Variants in EFNA5 observed in about 807,000 individuals in gnomAD.
The protein encoded by EFNA5 is ephrin-A5.
In EFNA5, 5 loss-of-function variants were observed where a neutral mutation model predicts 22.9. The observed-to-expected ratio is 0.22, with a 90% CI of 0.11 to 0.46. The LOEUF (loss-of-function observed/expected upper bound fraction) is 0.46, where lower values mean the gene tolerates loss of function less well. Ranked by LOEUF, EFNA5 falls within the 20% of genes least tolerant of loss-of-function variation. EFNA5 has a pLI of 0.99. For missense variants in EFNA5, 237 were observed against 293.3 expected, an observed-to-expected ratio of 0.81 and a Z score of 1.40; for synonymous variants, 113 against 112.2, an observed-to-expected ratio of 1.01 and a Z score of -0.04.
chr5:107,448,956 T>C (rs1449903378), intron 1 of EFNA5, among the ~76,000 whole-genome samples: 1 of 151,594 alleles, frequency 6.6e-6, no homozygotes, highest in African/African-American at 2.4e-5. Flanking sequence ...CAATGTGGGG[T>C]GGGTTGGAGT....
At chr5:107,451,504 A>G (rs561130972) in intron 1 of EFNA5, among the ~76,000 whole-genome samples, 1 of 152,358 alleles carries the variant, frequency 6.6e-6, no homozygotes, top group South Asian at 2.1e-4. Context: ...GGAGATATCA[A>G]CTACTTCATT....
chr5:107,490,351 C>T (rs1366386925), intron 1 of EFNA5, among the ~76,000 whole-genome samples: 2 of 152,174 alleles, frequency 1.3e-5, no homozygotes, highest in Non-Finnish European at 2.9e-5. Flanking sequence ...CTGCCTCCAC[C>T]TCCCAAGTAG....
chr5:107,476,322 G>T (rs1343482508), intron 1 of EFNA5, among the ~76,000 whole-genome samples: 1 of 151,408 alleles, frequency 6.6e-6, no homozygotes, highest in African/African-American at 2.4e-5. Flanking sequence ...CAAAGTGCTG[G>T]GATTACAGGA....
rs1747362173 is a variant in EFNA5 at position 107,379,136 on chromosome 5, T to C, written c.*2119A>G. ...ATAAGACTCTGCCACTCCAGAGGAG[T>C]TCCTTATGTCAGAGGGGAATAGGAT... is the stretch of plus-strand genomic sequence containing the variant. On this transcript the variant is annotated 3_prime_UTR_variant, in exon 5 of 5. Coordinates refer to ENST00000333274, the MANE Select transcript of EFNA5 (RefSeq NM_001962.3). 6.6e-6 allele frequency: 1 copy of C among 151,962 alleles called. No homozygotes were observed. The highest frequency in any genetic ancestry group is 2.4e-5 in the African/African-American group (1 of 41,356). The allele number at this position is 151,962 out of a possible 1,614,324, so 9.4% of individuals were successfully genotyped here. A position where few individuals can be genotyped will look rare whatever the true frequency, so the allele number is the denominator to read the frequency against.
chr5:107,539,183 G>T (rs1399713522), intron 1 of EFNA5, among the ~76,000 whole-genome samples: 2 of 152,200 alleles, frequency 1.3e-5, no homozygotes, highest in Non-Finnish European at 2.9e-5. Context: ...TGCCCTACAT[G>T]CCTGGACTAT....
chr5:107,405,966 A>AAT (rs1748201634), intron 2 of EFNA5, among the ~76,000 whole-genome samples: 1 of 130,696 alleles, frequency 7.7e-6, no homozygotes, highest in Non-Finnish European at 1.6e-5. Flanking sequence ...ATATACATAG[A>AAT]ATGTATAAAA....
intron 1 of EFNA5, among the ~76,000 whole-genome samples, chr5:107,635,661 G>C (rs1456475758): frequency 2.0e-5 from 3 of 152,234 alleles, no homozygotes; most frequent in Non-Finnish European, 4.4e-5. Context: ...GGGTGTTTAA[G>C]AGAAATGGTA....
chr5:107,510,625 A>C (rs1412322066), intron 1 of EFNA5, among the ~76,000 whole-genome samples: 2 of 152,234 alleles, frequency 1.3e-5, no homozygotes, highest in Non-Finnish European at 2.9e-5. Context: ...TGTTTATGAC[A>C]AGTAGGTGCT....
At position 107,427,803 on chromosome 5, in the gene EFNA5, C is replaced by T. The variant is rs572592805; in HGVS notation, c.126-294G>A. Among the ~76,000 whole-genome samples the T allele has an allele frequency of 4.6e-5, 7 of 152,168 alleles. No individual in the cohort carries two copies. The South Asian group carries it at 1.2e-3, about 27-fold the overall frequency. ...AATATCACTCTTTCAAACTGTGGAA[C>T]TCTATAGAGGTACTAGTGTGCTGTT... On this transcript the variant is annotated intron_variant, in intron 1 of 4. Coordinates refer to ENST00000333274, the MANE Select transcript of EFNA5 (RefSeq NM_001962.3).
At chr5:107,504,535 T>C (rs763514281) in intron 1 of EFNA5, among the ~76,000 whole-genome samples, 16 of 152,176 alleles carry the variant, frequency 1.1e-4, no homozygotes, top group Admixed American at 9.2e-4. Context: ...TGCATGCTTA[T>C]AGGAACAAAC....
chr5:107,404,632 G>A (rs184835802), intron 2 of EFNA5, among the ~76,000 whole-genome samples: 4 of 152,266 alleles, frequency 2.6e-5, no homozygotes, highest in East Asian at 1.9e-4. Flanking sequence ...GCAGTTAGGC[G>A]ATGTCATACA....
chr5:107,619,651 A>G (rs1264866777), intron 1 of EFNA5, among the ~76,000 whole-genome samples: 1 of 151,870 alleles, frequency 6.6e-6, no homozygotes. Flanking sequence ...TTTAGCAGAG[A>G]CGGGGTTTCA....
chr5:107,415,881 C>A (rs1031648731), intron 2 of EFNA5, among the ~76,000 whole-genome samples: 20 of 152,170 alleles, frequency 1.3e-4, no homozygotes, highest in Admixed American at 1.1e-3. Flanking sequence ...GTAAGGCAAT[C>A]CCTGGCATGG....
intron 1 of EFNA5, among the ~76,000 whole-genome samples, chr5:107,533,686 T>A (rs1160646570): frequency 2.0e-5 from 3 of 152,200 alleles, no homozygotes; most frequent in African/African-American, 7.2e-5. Flanking sequence ...AATTCTCCTA[T>A]AAAAGGTATG....
At chr5:107,391,773 C>G (rs1182382798) in intron 2 of EFNA5, among the ~76,000 whole-genome samples, 1 of 152,184 alleles carries the variant, frequency 6.6e-6, no homozygotes, top group Non-Finnish European at 1.5e-5. Context: ...CATAGAGTCC[C>G]TTCCCCTGAA....
chr5:107,579,766 C>T lies in EFNA5; in HGVS notation c.125+90723G>A, dbSNP rs575838578. 2.0e-5 allele frequency among the ~76,000 whole-genome samples: 3 copies of T among 152,308 alleles called. No individual in the cohort carries two copies. The East Asian group carries it at 5.8e-4, about 29-fold the overall frequency. ...AAGAGGCTGCACCCCAAATTCACTT[C>T]CAGCAGAACTTCAATATGCCCCACC... On this transcript the variant is annotated intron_variant, in intron 1 of 4. Transcript: ENST00000333274.
chr5:107,432,855 CT>C lies in EFNA5; in HGVS notation c.126-5347del, dbSNP rs559379507. Among the ~76,000 whole-genome samples, 89 of 152,276 alleles carry C rather than the reference CT, an allele frequency of 5.8e-4. No homozygotes were observed. In the South Asian group the frequency reaches 8.7e-3, roughly 15 times the overall value. On this transcript the variant is annotated intron_variant, in intron 1 of 4. Transcript: ENST00000333274. ...GGACTTGCTTCTACCTGTGCCACCC[CT>C]GAGACAGCAAGACCAATCCCTCCTC...
intron 1 of EFNA5, among the ~76,000 whole-genome samples, chr5:107,572,690 AAATAT>A (rs1319834018): frequency 6.6e-6 from 1 of 152,220 alleles, no homozygotes; most frequent in Non-Finnish European, 1.5e-5. Flanking sequence ...ATTGCCAACA[AAATAT>A]AATACTAAAA....
intron 2 of EFNA5, among the ~76,000 whole-genome samples, chr5:107,408,069 T>A (rs1384290501): frequency 1.3e-5 from 2 of 152,162 alleles, no homozygotes; most frequent in Non-Finnish European, 2.9e-5. Flanking sequence ...TTTCTCCTAA[T>A]GGCTACCAGG....
Sources: gnomAD v4.1 joint callset for allele counts (sites outside exome capture counted in the v4.1 genomes callset) on GRCh38, gnomAD v4.1.1 for gene constraint, MANE v1.5 for transcripts, NCBI Gene and HGNC (gene_info 2026-07-23, HGNC 2026-07-21) for gene names.